Variants in PLEKHG5 observed in about 807,000 individuals in gnomAD.
PLEKHG5 encodes the protein pleckstrin homology and RhoGEF domain containing G5.
In PLEKHG5, 52 loss-of-function variants were observed where a neutral mutation model predicts 103.8. The ratio of observed to expected loss-of-function variants is 0.50; its 90% CI spans 0.40 to 0.63. The LOEUF (loss-of-function observed/expected upper bound fraction) is 0.63, where lower values mean the gene tolerates loss of function less well. PLEKHG5 is among the 30% of genes least tolerant of loss of function. The pLI is 0.00. For missense variants in PLEKHG5, 1,205 were observed against 1,347.6 expected, an observed-to-expected ratio of 0.89 and a Z score of 1.66; for synonymous variants, 592 against 575.5, an observed-to-expected ratio of 1.03 and a Z score of -0.41.
intron 1 of PLEKHG5, among the ~76,000 whole-genome samples, chr1:6,512,633 C>T (rs1638509213): frequency 6.6e-6 from 1 of 152,250 alleles, no homozygotes; most frequent in Non-Finnish European, 1.5e-5. Flanking sequence ...AACCAGCTCC[C>T]ACACTGTTCT....
chr1:6,470,558 C>T lies in PLEKHG5; in HGVS notation c.1628G>A (p.Ser543Asn). ...CACCACCTCGTAGGCGTCGATGCGG[C>T]TCACCACGGCCGCCAGCCGCTGCCG... ...QERQRLAAVV[S>N]RIDAYEVVES... Residue 543 changes from serine (S) to asparagine (N), a missense_variant, in exon 15 of 21, where the codon AGC (serine) becomes AAC (asparagine). Physicochemically the swap from Ser to Asn is conservative, Grantham distance 46 (BLOSUM62 1). Coordinates refer to ENST00000377728, the MANE Select transcript of PLEKHG5 (RefSeq NM_020631.6). 1 of 1,597,648 alleles carries T rather than the reference C, an allele frequency of 6.3e-7. No individual in the cohort carries two copies. Among genetic ancestry groups the T allele is most frequent in the Non-Finnish European group, 8.5e-7 (1 of 1,177,326 alleles).
Position 6,487,373 on chromosome 1 carries a change from TC to T in PLEKHG5, c.-88+4263del, listed in dbSNP as rs1557760157. Among the ~76,000 whole-genome samples, 1 of 152,174 alleles carries T rather than the reference TC, an allele frequency of 6.6e-6. No individual in the cohort carries two copies. The highest frequency in any genetic ancestry group is 6.5e-5 in the Admixed American group (1 of 15,278). ...CAAGTGATCCACCCCCACCTTGGCC[TC>T]CCAAAGTGCTGAGATTACAGGCATG... On this transcript the variant is annotated intron_variant, in intron 1 of 20. Coordinates refer to ENST00000377728, the MANE Select transcript of PLEKHG5 (RefSeq NM_020631.6). The surrounding 1 kb of genome is among the most constrained non-coding windows in gnomAD (Gnocchi z 4.1).
At chr1:6,510,214 T>A (rs950586204) in intron 1 of PLEKHG5, among the ~76,000 whole-genome samples, 13 of 152,092 alleles carry the variant, frequency 8.5e-5, no homozygotes, top group Non-Finnish European at 1.5e-5. Flanking sequence ...CGCTAGCCAC[T>A]CCCCCTGCCC....
intron 1 of PLEKHG5, among the ~76,000 whole-genome samples, chr1:6,478,738 G>A (rs1433327453): frequency 1.3e-5 from 2 of 152,010 alleles, no homozygotes; most frequent in East Asian, 3.9e-4. Flanking sequence ...CCGCCTCCCG[G>A]GTTCAAGTGA....
In PLEKHG5 at chr1:6,471,519, T is replaced by C; in HGVS notation, c.1250A>G (p.Gln417Arg). Residue 417 changes from glutamine (Q) to arginine (R), a missense_variant, in exon 12 of 21, where the codon CAG becomes CGG. Gln to Arg is a conservative substitution (Grantham distance 43, BLOSUM62 1). Transcript: ENST00000377728. ...EKARRTRALL[Q>R]PGDFLKGFKM... ...GAAGCCTTTGAGGAAGTCCCCGGGCTGTAGCAGCGCTCGCGTGCGCCGCGC... is the reference window on the plus strand; with the variant it reads ...GAAGCCTTTGAGGAAGTCCCCGGGCCGTAGCAGCGCTCGCGTGCGCCGCGC... 6.2e-7 allele frequency: 1 copy of C among 1,610,580 alleles called. No individual in the cohort carries two copies. The highest frequency in any genetic ancestry group is 8.5e-7 in the Non-Finnish European group (1 of 1,179,048).
Position 6,467,574 on chromosome 1 carries a change from T to C in PLEKHG5, c.3012-2A>G. On this transcript the variant is annotated splice_acceptor_variant, in intron 20 of 20. Coordinates refer to ENST00000377728, the MANE Select transcript of PLEKHG5 (RefSeq NM_020631.6). LOFTEE classifies it high-confidence loss of function. ...GGGCCTCCCTCTGCTCAGACCTCCC[T>C]ACAGGGTGGGGAGGGGACAGAGTCC... 1 of 1,612,658 alleles carries C rather than the reference T, an allele frequency of 6.2e-7. No individual in the cohort carries two copies. The highest frequency in any genetic ancestry group is 8.5e-7 in the Non-Finnish European group (1 of 1,179,080).
upstream of PLEKHG5, among the ~76,000 whole-genome samples, chr1:6,495,334 C>T (rs1023259695): frequency 2.0e-5 from 3 of 152,230 alleles, no homozygotes; most frequent in African/African-American, 2.4e-5. Context: ...CTCCCCGCCC[C>T]GCCCCATAGC....
At chr1:6,509,993 C>T (rs558639168) in intron 1 of PLEKHG5, among the ~76,000 whole-genome samples, 51 of 152,274 alleles carry the variant, frequency 3.3e-4, no homozygotes, top group African/African-American at 1.1e-3. Context: ...GTGCAGGTAA[C>T]CACATTCCTC....
chr1:6,485,977 ACC>A (rs372606355), intron 1 of PLEKHG5: 16 of 768,396 alleles, frequency 2.1e-5, no homozygotes, highest in African/African-American at 4.1e-5. Flanking sequence ...CGCTGGTGAC[ACC>A]CCCCCCCACC....
intron 1 of PLEKHG5, chr1:6,485,535 G>A: frequency 6.0e-6 from 7 of 1,168,736 alleles, no homozygotes; most frequent in Non-Finnish European, 7.4e-6. Context: ...CGCCCCCGCC[G>A]AGCGCGGGGA....
At chr1:6,475,873 C>T in intron 3 of PLEKHG5, 58 bp downstream of exon 3, 1 of 1,387,128 alleles carries the variant, frequency 7.2e-7, no homozygotes, top group Non-Finnish European at 1.0e-6. Context: ...AATGTCTGAT[C>T]TGAGACCCAG....
intron 1 of PLEKHG5, among the ~76,000 whole-genome samples, chr1:6,516,921 C>CCT (rs1338816435): frequency 7.0e-6 from 1 of 143,682 alleles, no homozygotes; most frequent in African/African-American, 2.6e-5. Flanking sequence ...CACACACACA[C>CCT]ACACATGTAC....
chr1:6,469,106 T>G lies in PLEKHG5; in HGVS notation c.2185A>C (p.Thr729Pro), dbSNP rs749792263. 1.9e-6 allele frequency: 3 copies of G among 1,612,800 alleles called. No homozygotes were observed. Among genetic ancestry groups the G allele is most frequent in the Non-Finnish European group, 2.5e-6 (3 of 1,179,984 alleles). ...ATGGTAGGGGAGCTGGCAGCTGAAG[T>G]GCCACTGTCCTCGCCTTCCTCCTCC... ...EEEEEGEDSG[T>P]SAASSPTIMR... is the part of the protein sequence containing the mutation. The change falls in exon 19 of 21, where the codon ACT becomes CCT. Residue 729 changes from threonine (T) to proline (P), a missense_variant. Thr to Pro is a conservative substitution (Grantham distance 38). Coordinates refer to ENST00000377728, the MANE Select transcript of PLEKHG5 (RefSeq NM_020631.6).
intron 1 of PLEKHG5, among the ~76,000 whole-genome samples, chr1:6,482,018 C>T (rs1005270162): frequency 7.9e-5 from 12 of 151,866 alleles, no homozygotes; most frequent in African/African-American, 2.4e-4. Flanking sequence ...GCCTCCTGGT[C>T]GTTCCGGGAC....
chr1:6,509,226 T>C (rs11121985), intron 1 of PLEKHG5, among the ~76,000 whole-genome samples: 1 of 152,092 alleles, frequency 6.6e-6, no homozygotes, highest in Non-Finnish European at 1.5e-5. Flanking sequence ...CCGGAGACCC[T>C]AAGATTTGCC....
rs1021153931 is a variant in PLEKHG5, at chr1:6,486,514, C to T, written c.-88+5123G>A. 1.3e-5 allele frequency among the ~76,000 whole-genome samples: 2 copies of T among 152,238 alleles called. No homozygotes were observed. Among genetic ancestry groups the T allele is most frequent in the African/African-American group, 4.8e-5 (2 of 41,470 alleles). ...TCTGGAAAGGGCCGTGGGCAGAAGG[C>T]GGGCTGCTCTGAGAGGCTATCCTTG... is the stretch of plus-strand genomic sequence containing the variant. On this transcript the variant is annotated intron_variant, in intron 1 of 20. Coordinates refer to ENST00000377728, the MANE Select transcript of PLEKHG5 (RefSeq NM_020631.6). This position sits in a 1 kb window ranked among gnomAD's most constrained non-coding sequence, Gnocchi z 5.3.
chr1:6,497,122 G>C, upstream of PLEKHG5: 1 of 1,213,084 alleles, frequency 8.2e-7, no homozygotes, highest in Non-Finnish European at 1.2e-6. This position sits in a 1 kb window ranked among gnomAD's most constrained non-coding sequence, Gnocchi z 6.1. Context: ...CAACCAGCGA[G>C]AGGCGGGGGG....
In PLEKHG5 at chr1:6,487,112, TG is replaced by T. The variant is rs1645056467; in HGVS notation, c.-88+4524del. On this transcript the variant is annotated intron_variant, in intron 1 of 20. Coordinates refer to ENST00000377728, the MANE Select transcript of PLEKHG5 (RefSeq NM_020631.6). This position sits in a 1 kb window ranked among gnomAD's most constrained non-coding sequence, Gnocchi z 4.1. Reference sequence around the variant, plus strand: ...TACACCACAGGCAGAGTTGTGTTTTTGTTTTTTGTTTGTTTGTTTTTGAGAC... The same window carrying T: ...TACACCACAGGCAGAGTTGTGTTTTTTTTTTTGTTTGTTTGTTTTTGAGAC... 6.6e-6 allele frequency among the ~76,000 whole-genome samples: 1 copy of T among 152,186 alleles called. No individual in the cohort carries two copies. The highest frequency in any genetic ancestry group is 1.5e-5 in the Non-Finnish European group (1 of 68,028).
At chr1:6,482,262 G>A (rs1644923159) in intron 1 of PLEKHG5, among the ~76,000 whole-genome samples, 1 of 152,102 alleles carries the variant, frequency 6.6e-6, no homozygotes. Context: ...CTCCACACCT[G>A]GTCACATTCG....
Sources: gnomAD v4.1 joint callset for allele counts (sites outside exome capture counted in the v4.1 genomes callset) on GRCh38, gnomAD v4.1.1 for gene constraint, Gnocchi (gnomAD v3.1) non-coding constraint, MANE v1.5 for transcripts, NCBI Gene and HGNC (gene_info 2026-07-23, HGNC 2026-07-21) for gene names.